The following UBE2E3 variants were observed in gnomAD, a reference collection of about 807,000 sequenced individuals.
The protein encoded by UBE2E3 is ubiquitin conjugating enzyme E2 E3.
Under a neutral mutation model 23.6 loss-of-function variants are expected in UBE2E3, and 5 were observed. The observed-to-expected ratio is 0.21, with a 90% CI of 0.11 to 0.44. UBE2E3 has a LOEUF of 0.44. Among genes scored for constraint, UBE2E3 ranks in the 20% least tolerant of loss-of-function variants. The pLI is 0.99. For synonymous variants in UBE2E3, 78 were observed against 87.5 expected, an observed-to-expected ratio of 0.89 and a Z score of 0.60; for missense variants, 81 against 249.8, an observed-to-expected ratio of 0.32 and a Z score of 4.55.
chr2:181,052,782 G>A (rs1372217908), intron 3 of UBE2E3, among the ~76,000 whole-genome samples: 8 of 151,768 alleles, frequency 5.3e-5, no homozygotes, highest in Admixed American at 5.3e-4. Flanking sequence ...CTTAAGGCCA[G>A]GGTAGACTCC....
intron 3 of UBE2E3, among the ~76,000 whole-genome samples, chr2:181,006,136 T>G (rs560688827): frequency 6.6e-6 from 1 of 152,252 alleles, no homozygotes; most frequent in East Asian, 1.9e-4. Flanking sequence ...AAGGCAGAAC[T>G]GGAGAGGGTA....
At chr2:181,024,824 A>G (rs1158931492) in intron 3 of UBE2E3, among the ~76,000 whole-genome samples, 1 of 152,016 alleles carries the variant, frequency 6.6e-6, no homozygotes. Flanking sequence ...ACAGAAATGA[A>G]ATAAGGATTT....
intron 3 of UBE2E3, among the ~76,000 whole-genome samples, chr2:181,026,566 C>G (rs569796834): frequency 6.7e-5 from 10 of 149,890 alleles, no homozygotes; most frequent in African/African-American, 2.0e-4. Flanking sequence ...GCTGAGGAAA[C>G]AGAAAGTGAG....
chr2:180,980,703 G>A lies in UBE2E3; in HGVS notation c.-296G>A, dbSNP rs1044898084. 4 of 148,526 alleles carry A rather than the reference G, an allele frequency of 2.7e-5. No homozygotes were observed. Among genetic ancestry groups the A allele is most frequent in the African/African-American group, 9.8e-5 (4 of 40,856 alleles). 9.2% of individuals were successfully genotyped at this position (148,526 alleles called of 1,614,324 possible). ...CTCCCGCGTCCCCTCCGCCTCGCCG[G>A]GAGCTCGCGCCCTCGCCCAGCCGAG... On this transcript the variant is annotated 5_prime_UTR_variant, in exon 1 of 6. Transcript: ENST00000410062. This position sits in a 1 kb window ranked among gnomAD's most constrained non-coding sequence, Gnocchi z 5.5.
chr2:181,062,752 A>T, intron 5 of UBE2E3, 39 bp from the exon 6 acceptor site: 2 of 1,273,354 alleles, frequency 1.6e-6, no homozygotes, highest in South Asian at 1.3e-5. Context: ...TGAAGAAGAT[A>T]CCACAAAATA....
intron 3 of UBE2E3, among the ~76,000 whole-genome samples, chr2:181,029,138 T>C (rs1386431356): frequency 6.6e-6 from 1 of 152,156 alleles, no homozygotes; most frequent in Non-Finnish European, 1.5e-5. Context: ...TTTTTTTGCC[T>C]AGTTCTGTGT....
At chr2:181,031,136 A>G (rs1486475217) in intron 3 of UBE2E3, among the ~76,000 whole-genome samples, 1 of 152,118 alleles carries the variant, frequency 6.6e-6, no homozygotes, top group African/African-American at 2.4e-5. Context: ...ATTTTTTTAA[A>G]AAATTTGTTA....
At chr2:181,044,704 G>T (rs6721914) in intron 3 of UBE2E3, among the ~76,000 whole-genome samples, 2,736 of 151,996 alleles carry the variant, frequency 0.018, 68 homozygotes, top group African/African-American at 0.063. Context: ...TTGTTGTTTT[G>T]TATGCTTATA....
chr2:181,010,988 C>T (rs1188936763), intron 3 of UBE2E3, among the ~76,000 whole-genome samples: 1 of 152,056 alleles, frequency 6.6e-6, no homozygotes, highest in Non-Finnish European at 1.5e-5. Context: ...AACTTCGCAT[C>T]ATACAACAGC....
In UBE2E3 at chr2:181,024,571, T is replaced by C. The variant is rs186820391; in HGVS notation, c.246-33122T>C. ...CAAACTTGACTTTTAATATATGTGA[T>C]TATTAAGATGTAATGGTGATGTGCT... On this transcript the variant is annotated intron_variant, in intron 3 of 5. Coordinates refer to ENST00000410062, the MANE Select transcript of UBE2E3 (RefSeq NM_006357.4). 1.6e-3 allele frequency among the ~76,000 whole-genome samples: 237 copies of C among 152,218 alleles called. 7 individuals carry two copies. The East Asian group carries it at 0.033, about 21-fold the overall frequency.
intron 3 of UBE2E3, among the ~76,000 whole-genome samples, chr2:181,024,221 C>T (rs754988034): frequency 6.6e-6 from 1 of 152,086 alleles, no homozygotes; most frequent in Non-Finnish European, 1.5e-5. Context: ...CAAGATGAGC[C>T]TCTTGACTGA....
chr2:180,987,040 A>G (rs1171074564), intron 3 of UBE2E3, among the ~76,000 whole-genome samples: 3 of 152,002 alleles, frequency 2.0e-5, no homozygotes, highest in Admixed American at 6.6e-5. Flanking sequence ...TAGCATTGAT[A>G]TTTCTTTTCC....
At chr2:181,002,913 G>T (rs1413629560) in intron 3 of UBE2E3, among the ~76,000 whole-genome samples, 3 of 152,244 alleles carry the variant, frequency 2.0e-5, no homozygotes, top group Non-Finnish European at 2.9e-5. Flanking sequence ...CTTGGCTAGA[G>T]ATAACTAGAT....
At chr2:180,982,451 C>T (rs1399549783) in intron 2 of UBE2E3, among the ~76,000 whole-genome samples, 1 of 152,184 alleles carries the variant, frequency 6.6e-6, no homozygotes, top group Admixed American at 6.5e-5. Flanking sequence ...ACTTCGGTAA[C>T]TTCAGTTAAG....
At chr2:181,035,885 G>C (rs1189855504) in intron 3 of UBE2E3, among the ~76,000 whole-genome samples, 1 of 151,998 alleles carries the variant, frequency 6.6e-6, no homozygotes, top group African/African-American at 2.4e-5. Context: ...ATAATTTAAT[G>C]GCCAGCTGTC....
intron 3 of UBE2E3, among the ~76,000 whole-genome samples, chr2:181,021,628 CTTTTT>C (rs1177048656): frequency 1.5e-5 from 1 of 66,022 alleles, no homozygotes; most frequent in African/African-American, 5.9e-5. Flanking sequence ...CTCTCCCTCC[CTTTTT>C]TCCTTCCTTC....
intron 3 of UBE2E3, among the ~76,000 whole-genome samples, chr2:181,033,970 C>T (rs557972847): frequency 6.6e-6 from 1 of 152,252 alleles, no homozygotes; most frequent in East Asian, 1.9e-4. Flanking sequence ...ATCAAAACCA[C>T]AATGAGATAC....
intron 3 of UBE2E3, among the ~76,000 whole-genome samples, chr2:180,996,156 G>A (rs1684815769): frequency 1.3e-5 from 2 of 152,122 alleles, no homozygotes; most frequent in African/African-American, 4.8e-5. Flanking sequence ...AAACCTTAGA[G>A]GGTAAAAGTC....
chr2:181,050,004 T>G (rs1686777033), intron 3 of UBE2E3, among the ~76,000 whole-genome samples: 1 of 152,010 alleles, frequency 6.6e-6, no homozygotes, highest in South Asian at 2.1e-4. Context: ...TCAAAAATCT[T>G]ACTTTCAGGC....
Sources: allele counts gnomAD v4.1 joint callset (sites outside exome capture counted in the v4.1 genomes callset), GRCh38; gene constraint gnomAD v4.1.1; non-coding constraint Gnocchi (gnomAD v3.1); transcripts MANE v1.5; gene names NCBI Gene and HGNC (gene_info 2026-07-23, HGNC 2026-07-21).